Variants in NSMCE2 observed in about 807,000 individuals in gnomAD.
The protein encoded by NSMCE2 is NSE2 SUMO ligase component of SMC5/6 complex.
A neutral mutation model predicts 23.8 loss-of-function variants in NSMCE2; 24 were observed. That is an observed-to-expected ratio of 1.01 (90% confidence interval 0.73 to 1.42). The LOEUF is 1.42. NSMCE2 is among the 40% of genes most tolerant of loss of function. The probability of loss-of-function intolerance (pLI) is 0.00; values close to 1 mark genes in which losing one functional copy is unlikely to be tolerated. For synonymous variants in NSMCE2, 92 were observed against 94.1 expected (o/e 0.98, Z 0.13); for missense variants, 284 against 296.5 (o/e 0.96, Z 0.31).
At position 125,203,973 on chromosome 8, in the gene NSMCE2, G is replaced by A. The variant is rs113348745; in HGVS notation, c.418+21717G>A. 6.6e-3 allele frequency among the ~76,000 whole-genome samples: 1,002 copies of A among 152,182 alleles called. 20 individuals carry two copies. Among genetic ancestry groups the A allele is most frequent in the African/African-American group, 0.023 (952 of 41,524 alleles). ...CCTATGGGATTCCCTAGTCCTTATC[G>A]TGTAATTTACATTTGGCTAGAATGT... On this transcript the variant is annotated intron_variant, in intron 5 of 7. Coordinates refer to ENST00000287437, the MANE Select transcript of NSMCE2 (RefSeq NM_173685.4).
chr8:125,317,161 T>C (rs1829241906), intron 5 of NSMCE2, among the ~76,000 whole-genome samples: 1 of 151,818 alleles, frequency 6.6e-6, no homozygotes, highest in South Asian at 2.1e-4. Flanking sequence ...GGGAAAAAAA[T>C]AAGACTATGA....
rs111860572 is a variant in NSMCE2 at position 125,093,008 on chromosome 8, C to G, written c.-111+1050C>G. ...ACAGATACTGCTAAATGTCCCCTTG[C>G]GAGAGGGGTAAAATCCTTCTTGGTT... On this transcript the variant is annotated intron_variant, in intron 1 of 7. Coordinates refer to ENST00000287437, the MANE Select transcript of NSMCE2 (RefSeq NM_173685.4). Among the ~76,000 whole-genome samples, 1,041 of 152,262 alleles carry G rather than the reference C, an allele frequency of 6.8e-3. 21 individuals are homozygous for G. Among genetic ancestry groups the G allele is most frequent in the African/African-American group, 0.024 (992 of 41,538 alleles).
chr8:125,206,047 G>A (rs1275707810), intron 5 of NSMCE2, among the ~76,000 whole-genome samples: 1 of 152,110 alleles, frequency 6.6e-6, no homozygotes, highest in Non-Finnish European at 1.5e-5. Flanking sequence ...ACAATCAAGA[G>A]CTTTGTGAAA....
chr8:125,092,487 C>G (rs930107110), intron 1 of NSMCE2, among the ~76,000 whole-genome samples: 5 of 152,176 alleles, frequency 3.3e-5, no homozygotes. Context: ...TTTAAAGAAG[C>G]TGCAGACATG....
intron 3 of NSMCE2, among the ~76,000 whole-genome samples, chr8:125,137,778 A>T (rs763038382): frequency 6.6e-6 from 1 of 152,186 alleles, no homozygotes; most frequent in Non-Finnish European, 1.5e-5. Flanking sequence ...GCTTATTACT[A>T]TATGACTTTA....
At chr8:125,328,310 G>A (rs1829753668) in intron 5 of NSMCE2, among the ~76,000 whole-genome samples, 1 of 152,148 alleles carries the variant, frequency 6.6e-6, no homozygotes, top group South Asian at 2.1e-4. Flanking sequence ...ATGGGATGGA[G>A]CTAAGTATAA....
rs529353959 is a variant in NSMCE2, at chr8:125,196,599, CATT to C, written c.418+14344_418+14346del. 1.1e-4 allele frequency among the ~76,000 whole-genome samples: 16 copies of C among 152,308 alleles called. 1 individual carries two copies. In the South Asian group the frequency reaches 3.3e-3, roughly 32 times the overall value. ...GCCACATTTTCTTAATCCAGTCTATCATTGTTGGACATTTGGGTTGGTTCCAAG... is the reference window on the plus strand; with the variant it reads ...GCCACATTTTCTTAATCCAGTCTATCGTTGGACATTTGGGTTGGTTCCAAG... On this transcript the variant is annotated intron_variant, in intron 5 of 7. Transcript: ENST00000287437.
chr8:125,308,125 G>A (rs1021276220), intron 5 of NSMCE2, among the ~76,000 whole-genome samples: 2 of 152,026 alleles, frequency 1.3e-5, no homozygotes, highest in African/African-American at 4.8e-5. Context: ...TCCTAGTCTC[G>A]GAGGCATGGG....
chr8:125,331,103 C>G (rs1829859142), intron 5 of NSMCE2, among the ~76,000 whole-genome samples: 1 of 152,076 alleles, frequency 6.6e-6, no homozygotes, highest in African/African-American at 2.4e-5. Context: ...AGATCGAGAC[C>G]ATCCTGGCCA....
intron 5 of NSMCE2, among the ~76,000 whole-genome samples, chr8:125,302,681 G>A (rs181391902): frequency 3.3e-5 from 5 of 152,290 alleles, no homozygotes; most frequent in African/African-American, 9.6e-5. Flanking sequence ...GGCCTGTCCC[G>A]AGAAAGGACC....
chr8:125,140,567 G>T (rs1238431676), intron 3 of NSMCE2, among the ~76,000 whole-genome samples: 5 of 151,938 alleles, frequency 3.3e-5, no homozygotes, highest in Non-Finnish European at 5.9e-5. Flanking sequence ...GGAGGCTGAG[G>T]TTCAATCGCA....
intron 5 of NSMCE2, among the ~76,000 whole-genome samples, chr8:125,295,598 A>G (rs927685524): frequency 2.6e-5 from 4 of 152,144 alleles, no homozygotes; most frequent in Admixed American, 1.3e-4. Context: ...TCTGAGAGGG[A>G]CAAAGGGGGT....
chr8:125,253,912 A>G (rs1045480852), intron 5 of NSMCE2, among the ~76,000 whole-genome samples: 1 of 152,160 alleles, frequency 6.6e-6, no homozygotes, highest in African/African-American at 2.4e-5. Flanking sequence ...TCCCCCTCCA[A>G]AAAAAATTTT....
chr8:125,164,150 C>T (rs1821757754), intron 4 of NSMCE2, among the ~76,000 whole-genome samples: 1 of 152,214 alleles, frequency 6.6e-6, no homozygotes, highest in Non-Finnish European at 1.5e-5. Flanking sequence ...AACCAACATT[C>T]TTTCCCTCAG....
At chr8:125,213,161 T>G (rs191967094) in intron 5 of NSMCE2, among the ~76,000 whole-genome samples, 7 of 152,320 alleles carry the variant, frequency 4.6e-5, no homozygotes, top group African/African-American at 1.4e-4. Context: ...GTTGAACATT[T>G]GTACCCTTTT....
chr8:125,330,888 T>G (rs898485694), intron 5 of NSMCE2, among the ~76,000 whole-genome samples: 4 of 152,164 alleles, frequency 2.6e-5, no homozygotes, highest in African/African-American at 9.7e-5. Flanking sequence ...TCAGTTTTAA[T>G]GTAATGCAGA....
intron 5 of NSMCE2, among the ~76,000 whole-genome samples, chr8:125,287,930 C>T (rs1827963283): frequency 6.6e-6 from 1 of 152,194 alleles, no homozygotes; most frequent in South Asian, 2.1e-4. Flanking sequence ...TCATTACTCC[C>T]TTGTGCGGGA....
At chr8:125,291,597 G>A (rs1014413944) in intron 5 of NSMCE2, among the ~76,000 whole-genome samples, 11 of 152,196 alleles carry the variant, frequency 7.2e-5, no homozygotes, top group African/African-American at 2.7e-4. Flanking sequence ...AGGATCAGAT[G>A]ATACACCGGG....
chr8:125,253,959 T>G (rs1025795231), intron 5 of NSMCE2, among the ~76,000 whole-genome samples: 1 of 152,304 alleles, frequency 6.6e-6, no homozygotes, highest in African/African-American at 2.4e-5. Context: ...TCCTATAAGA[T>G]TATCCTAGTG....
Sources: gnomAD v4.1 joint callset for allele counts (sites outside exome capture counted in the v4.1 genomes callset) on GRCh38, gnomAD v4.1.1 for gene constraint, MANE v1.5 for transcripts, NCBI Gene and HGNC (gene_info 2026-07-23, HGNC 2026-07-21) for gene names.